The following ADAMTS12 variants were observed in gnomAD, a reference collection of about 807,000 sequenced individuals.
ADAMTS12 encodes the protein ADAM metallopeptidase with thrombospondin type 1 motif 12.
Under a neutral mutation model 167.8 loss-of-function variants are expected in ADAMTS12, and 118 were observed. The observed-to-expected ratio is 0.70, with a 90% CI of 0.61 to 0.82. ADAMTS12 has a LOEUF of 0.82. ADAMTS12 is among the 40% of genes least tolerant of loss of function. The pLI, the probability that ADAMTS12 is intolerant of heterozygous loss-of-function variation, is 0.00. For missense variants in ADAMTS12, 1,916 were observed against 1,998.8 expected (o/e 0.96, Z 0.79); for synonymous variants, 704 against 716.9 (o/e 0.98, Z 0.29).
At chr5:33,682,432 G>GACAT (rs1742157388) in intron 5 of ADAMTS12, among the ~76,000 whole-genome samples, 1 of 152,200 alleles carries the variant, frequency 6.6e-6, no homozygotes, top group South Asian at 2.1e-4. Flanking sequence ...GTCTAGGCTG[G>GACAT]ACGTATCAAT....
intron 2 of ADAMTS12, among the ~76,000 whole-genome samples, chr5:33,790,645 T>A (rs534175334): frequency 6.6e-6 from 1 of 150,918 alleles, no homozygotes; most frequent in Non-Finnish European, 1.5e-5. Context: ...CTCCTGTAAA[T>A]TGGTCAACAG....
chr5:33,666,140 T>G (rs1205363856), intron 5 of ADAMTS12, among the ~76,000 whole-genome samples: 1 of 152,198 alleles, frequency 6.6e-6, no homozygotes, highest in Non-Finnish European at 1.5e-5. Context: ...AACCCTTCAT[T>G]CCTTCCTTGC....
At chr5:33,728,709 TAG>T (rs1744070836) in intron 3 of ADAMTS12, among the ~76,000 whole-genome samples, 1 of 152,182 alleles carries the variant, frequency 6.6e-6, no homozygotes, top group Non-Finnish European at 1.5e-5. Context: ...GCTACCCCTG[TAG>T]AGAGCTCTGA....
At chr5:33,730,942 A>G (rs1744169069) in intron 3 of ADAMTS12, among the ~76,000 whole-genome samples, 1 of 152,126 alleles carries the variant, frequency 6.6e-6, no homozygotes, top group Non-Finnish European at 1.5e-5. Context: ...CAGGAGTCAG[A>G]CAGACCCGGA....
intron 2 of ADAMTS12, among the ~76,000 whole-genome samples, chr5:33,857,212 C>T (rs1749435953): frequency 6.6e-6 from 1 of 152,122 alleles, no homozygotes; most frequent in Non-Finnish European, 1.5e-5. Flanking sequence ...CCAAAATAGT[C>T]AAACTCACAG....
intron 8 of ADAMTS12, among the ~76,000 whole-genome samples, chr5:33,649,187 T>C (rs1440209840): frequency 6.6e-6 from 1 of 152,208 alleles, no homozygotes; most frequent in Non-Finnish European, 1.5e-5. Flanking sequence ...ATACAAGCCA[T>C]GGTAAAATTA....
chr5:33,731,977 T>C (rs1744210485), intron 3 of ADAMTS12, among the ~76,000 whole-genome samples: 1 of 152,142 alleles, frequency 6.6e-6, no homozygotes, highest in Non-Finnish European at 1.5e-5. Flanking sequence ...GTTCCACCTC[T>C]GACCAGCTGG....
intron 2 of ADAMTS12, among the ~76,000 whole-genome samples, chr5:33,824,405 T>C (rs965615340): frequency 6.6e-6 from 1 of 152,208 alleles, no homozygotes; most frequent in African/African-American, 2.4e-5. Flanking sequence ...AAAAGATCAT[T>C]TGGTCAGTTC....
chr5:33,667,317 C>CAAAAAAAAA (rs5867201), intron 5 of ADAMTS12, among the ~76,000 whole-genome samples: 1 of 78,390 alleles, frequency 1.3e-5, no homozygotes, highest in African/African-American at 5.0e-5. Flanking sequence ...GACTCTGTCT[C>CAAAAAAAAA]AAAAAAAAAA....
rs75580898 is a variant in ADAMTS12 at position 33,774,061 on chromosome 5, G to A, written c.490-22513C>T. On this transcript the variant is annotated intron_variant, in intron 2 of 23. Transcript: ENST00000504830. ...AATGGGGAGGTTACTTCCATTTAAA[G>A]TAATGACAAAAACCACAATTACTTT... 7.9e-3 allele frequency among the ~76,000 whole-genome samples: 1,203 copies of A among 152,252 alleles called. 17 individuals are homozygous for A. The highest frequency in any genetic ancestry group is 0.028 in the African/African-American group (1,152 of 41,548).
At chr5:33,815,469 G>C (rs1467668212) in intron 2 of ADAMTS12, among the ~76,000 whole-genome samples, 1 of 152,178 alleles carries the variant, frequency 6.6e-6, no homozygotes, top group Non-Finnish European at 1.5e-5. Flanking sequence ...GCCAGAAAGA[G>C]GGCCCTTGCC....
chr5:33,883,780 A>C (rs1172193497), intron 1 of ADAMTS12, among the ~76,000 whole-genome samples: 1 of 152,200 alleles, frequency 6.6e-6, no homozygotes, highest in Non-Finnish European at 1.5e-5. Flanking sequence ...TCGCAAATTC[A>C]TGATACTAGT....
chr5:33,571,593 A>G (rs1746352082), intron 19 of ADAMTS12, among the ~76,000 whole-genome samples: 1 of 152,108 alleles, frequency 6.6e-6, no homozygotes, highest in Non-Finnish European at 1.5e-5. Context: ...ACACATTTCA[A>G]AGCAGCGTGT....
intron 8 of ADAMTS12, among the ~76,000 whole-genome samples, 191 bp downstream of exon 8, chr5:33,649,363 G>A (rs538676961): frequency 9.4e-4 from 143 of 152,298 alleles, no homozygotes; most frequent in African/African-American, 3.2e-3. Flanking sequence ...TGTGACAAGA[G>A]GGCAGAGCCC....
chr5:33,852,097 TAAC>T (rs1035373934), intron 2 of ADAMTS12, among the ~76,000 whole-genome samples: 2 of 151,894 alleles, frequency 1.3e-5, no homozygotes, highest in Admixed American at 1.3e-4. Flanking sequence ...GCAAATGTGC[TAAC>T]AACAACAACA....
intron 3 of ADAMTS12, among the ~76,000 whole-genome samples, chr5:33,720,472 GA>G (rs1743771707): frequency 6.6e-6 from 1 of 152,082 alleles, no homozygotes; most frequent in Non-Finnish European, 1.5e-5. Flanking sequence ...ATGCTAAATA[GA>G]AAGACCAGAA....
In ADAMTS12 at chr5:33,842,239, G is replaced by A. The variant is rs116766710; in HGVS notation, c.489+38880C>T. On this transcript the variant is annotated intron_variant, in intron 2 of 23. Coordinates refer to ENST00000504830, the MANE Select transcript of ADAMTS12 (RefSeq NM_030955.4). ...GAAGCAAAATAATTGGTAATCCTAT[G>A]CAAAAAAGCGAAATGTGCTTTCTTC... Among the ~76,000 whole-genome samples the A allele has an allele frequency of 8.0e-3, 1,212 of 152,274 alleles. 19 individuals carry two copies. The highest frequency in any genetic ancestry group is 0.028 in the African/African-American group (1,157 of 41,566).
At chr5:33,551,831 T>G (rs1451214954) in intron 20 of ADAMTS12, among the ~76,000 whole-genome samples, 3 of 152,256 alleles carry the variant, frequency 2.0e-5, no homozygotes, top group South Asian at 4.1e-4. Context: ...AAGAGGGAAG[T>G]GACAGCATAT....
chr5:33,565,526 G>T (rs1745970775), intron 19 of ADAMTS12, among the ~76,000 whole-genome samples: 1 of 152,126 alleles, frequency 6.6e-6, no homozygotes, highest in African/African-American at 2.4e-5. Context: ...TCATGAGGGG[G>T]GACTCTTGCC....
Sources: gnomAD v4.1 joint callset for allele counts (sites outside exome capture counted in the v4.1 genomes callset) on GRCh38, gnomAD v4.1.1 for gene constraint, MANE v1.5 for transcripts, NCBI Gene and HGNC (gene_info 2026-07-23, HGNC 2026-07-21) for gene names.